The following STXBP2 variants were observed in gnomAD, a reference collection of about 807,000 sequenced individuals.
STXBP2 encodes the protein syntaxin-binding protein 2.
In STXBP2, 47 loss-of-function variants were observed where a neutral mutation model predicts 72.2. That is an observed-to-expected ratio of 0.65 (90% CI 0.51 to 0.83). The LOEUF is 0.83. STXBP2 is among the 40% of genes least tolerant of loss of function. The pLI is 0.00. For missense variants in STXBP2, 702 were observed against 807.6 expected (o/e 0.87, Z 1.58); for synonymous variants, 367 against 338.7 (o/e 1.08, Z -0.92).
chr19:7,631,604 T>A, the STXBP2 span: 2 of 1,486,886 alleles, frequency 1.3e-6, no homozygotes, highest in Non-Finnish European at 1.8e-6. Context: ...AATATACATA[T>A]ACTCAGTTCC....
chr19:7,638,912 C>T (rs1412750488), intron 2 of STXBP2, 107 bp from the exon 3 acceptor site: 1 of 1,565,264 alleles, frequency 6.4e-7, no homozygotes, highest in Non-Finnish European at 8.8e-7. Context: ...GGTCCTCCCA[C>T]CCAGCCAGCC....
upstream of STXBP2, chr19:7,632,906 C>G (rs2031387824): frequency 6.6e-7 from 1 of 1,517,896 alleles, no homozygotes; most frequent in African/African-American, 1.4e-5. The surrounding 1 kb of genome is among the most constrained non-coding windows in gnomAD (Gnocchi z 5.2). Context: ...CCAGCTTGCT[C>G]ACACCCTGAC....
intron 4 of STXBP2, chr19:7,640,190 G>A (rs1040075588): frequency 5.4e-6 from 3 of 555,934 alleles, no homozygotes; most frequent in Non-Finnish European, 1.0e-5. Context: ...CTGTGTGCAT[G>A]TGTGTATGCG....
intron 1 of STXBP2, among the ~76,000 whole-genome samples, chr19:7,637,760 G>A (rs1006108737): frequency 2.0e-5 from 3 of 152,196 alleles, no homozygotes; most frequent in Admixed American, 2.0e-4. Flanking sequence ...CCACCCCGGG[G>A]AGTTCCGGCC....
At chr19:7,637,083 T>G, upstream of STXBP2, 2 of 1,230,860 alleles carry the variant, frequency 1.6e-6, no homozygotes, top group Non-Finnish European at 2.0e-6. Context: ...TCCACGTGGG[T>G]GACGCGCGGG....
upstream of STXBP2, chr19:7,636,504 G>C (rs1031329013): frequency 3.3e-5 from 5 of 151,152 alleles, no homozygotes; most frequent in Non-Finnish European, 5.9e-5. Context: ...GCCCCCTGGG[G>C]ACAGGCTCCT....
rs762987440 is a variant in STXBP2 at position 7,639,972 on chromosome 19, GCA to G, written c.246+166_246+167del. 3.8e-6 allele frequency: 3 copies of G among 793,658 alleles called. No individual in the cohort carries two copies. In the African/African-American group the frequency reaches 5.2e-5, roughly 14 times the overall value. The allele number at this position is 793,658 out of a possible 1,614,324, so 49.2% of individuals were successfully genotyped here. On this transcript the variant is annotated intron_variant, in intron 4 of 18. Transcript: ENST00000221283. The stretch of plus-strand genomic sequence containing the variant: ...TGCATGTGTGTGTGCATCTGTGTAT[GCA>G]TGTGTGTGCGTGTTTGCATGTGTGT...
chr19:7,629,991 A>G, the STXBP2 span: 2 of 1,135,384 alleles, frequency 1.8e-6, no homozygotes, highest in Non-Finnish European at 2.3e-6. Context: ...TTTGAGAGGA[A>G]CCTTTCTGGT....
At chr19:7,631,219 A>G in the STXBP2 span, 1 of 1,389,470 alleles carries the variant, frequency 7.2e-7, no homozygotes, top group Non-Finnish European at 9.3e-7. Context: ...AAAAAGAAAC[A>G]TTTTACTCTC....
At chr19:7,629,997 C>G in the STXBP2 span, 1 of 1,131,726 alleles carries the variant, frequency 8.8e-7, no homozygotes, top group South Asian at 1.8e-5. Context: ...AGGAACCTTT[C>G]TGGTTGGAAA....
chr19:7,640,475 TGC>T (rs1406932069), intron 4 of STXBP2: 1 of 683,278 alleles, frequency 1.5e-6, no homozygotes, highest in Non-Finnish European at 2.7e-6. Context: ...TCTCTGTGTG[TGC>T]ATGTGTGTAT....
chr19:7,642,905 C>T lies in STXBP2; in HGVS notation c.961-78C>T, dbSNP rs117596298. On this transcript the variant is annotated intron_variant, in intron 11 of 18. Coordinates refer to ENST00000221283, the MANE Select transcript of STXBP2 (RefSeq NM_006949.4). The surrounding 1 kb of genome is among the most constrained non-coding windows in gnomAD (Gnocchi z 6.0). ...GGGCGCAGGGCCACAGCCTGGATTTCGAGCCTGGACTGAGACCCAGGTGGG... is the reference window on the plus strand; with the variant it reads ...GGGCGCAGGGCCACAGCCTGGATTTTGAGCCTGGACTGAGACCCAGGTGGG... The T allele has an allele frequency of 2.7e-4, 432 of 1,612,870 alleles. 4 individuals carry two copies. The East Asian group carries it at 7.4e-3, about 28-fold the overall frequency.
At position 7,639,003 on chromosome 19, in the gene STXBP2, C is replaced by T. The variant is rs1226962055; in HGVS notation, c.88-16C>T. The T allele has an allele frequency of 1.2e-6, 2 of 1,614,132 alleles. No individual in the cohort carries two copies. Among genetic ancestry groups the T allele is most frequent in the Admixed American group, 3.3e-5 (2 of 60,022 alleles). The stretch of plus-strand genomic sequence containing the variant: ...TCCGCCTGCTCCTCCATCCATCTGT[C>T]CATCCATCTGGACAGGTGCTTATCA... On this transcript the variant is annotated splice_polypyrimidine_tract_variant and intron_variant, in intron 2 of 18. Coordinates refer to ENST00000221283, the MANE Select transcript of STXBP2 (RefSeq NM_006949.4).
rs756428439 is a variant in STXBP2, at chr19:7,646,320, C to T, written c.1428C>T (p.Thr476=). The T allele has an allele frequency of 1.2e-6, 2 of 1,610,546 alleles. No homozygotes were observed. The highest frequency in any genetic ancestry group is 3.4e-5 in the Admixed American group (2 of 59,312). Residue 476 remains threonine (T), a synonymous_variant, in exon 16 of 19, where the codon ACC becomes ACT. Coordinates refer to ENST00000221283, the MANE Select transcript of STXBP2 (RefSeq NM_006949.4). ...MEPTYQLSRW[T]PVIKDVMEDA... is the part of the protein sequence containing the mutation. ...CCACCTATCAGCTGTCCCGCTGGAC[C>T]CCGGTCATCAAGGATGTAATGGAGG...
chr19:7,634,985 T>C (rs769869449), upstream of STXBP2, among the ~76,000 whole-genome samples: 70 of 152,364 alleles, frequency 4.6e-4, no homozygotes, highest in Middle Eastern at 6.8e-3. Flanking sequence ...ACCAGTGATA[T>C]TGCATTAGGG....
chr19:7,639,126 TG>T, intron 3 of STXBP2, 26 bp downstream of exon 3: 2 of 1,612,668 alleles, frequency 1.2e-6, no homozygotes, highest in Non-Finnish European at 1.7e-6. Flanking sequence ...CCCAGTGAGA[TG>T]GGACCTGAGC....
the STXBP2 span, chr19:7,631,395 T>TGGGGGGTTGGGGG: frequency 3.1e-6 from 1 of 318,042 alleles, no homozygotes; most frequent in Non-Finnish European, 5.1e-6. Flanking sequence ...GTGGGAGAGG[T>TGGGGGGTTGGGGG]GGGCGGGGGG....
chr19:7,631,306 C>A, the STXBP2 span: 4 of 1,408,948 alleles, frequency 2.8e-6, no homozygotes, highest in Admixed American at 3.1e-5. Context: ...GAAGCGGATC[C>A]CACGCGGACC....
chr19:7,634,997 C>T (rs149650065), upstream of STXBP2, among the ~76,000 whole-genome samples: 5 of 152,340 alleles, frequency 3.3e-5, no homozygotes, highest in East Asian at 7.7e-4. Flanking sequence ...GCATTAGGGG[C>T]CTACTCTACT....
Sources: gnomAD v4.1 joint callset for allele counts (sites outside exome capture counted in the v4.1 genomes callset) on GRCh38, gnomAD v4.1.1 for gene constraint, Gnocchi (gnomAD v3.1) non-coding constraint, MANE v1.5 for transcripts, NCBI Gene and HGNC (gene_info 2026-07-23, HGNC 2026-07-21) for gene names.